ZNF385B: variants seen among roughly 807,000 people sequenced by gnomAD.
The protein encoded by ZNF385B is zinc finger protein 385B.
In ZNF385B, 23 loss-of-function variants were observed where a neutral mutation model predicts 39.2. The ratio of observed to expected loss-of-function variants is 0.59; its 90% CI spans 0.42 to 0.83. The LOEUF (loss-of-function observed/expected upper bound fraction) is 0.83, where lower values mean the gene tolerates loss of function less well. Ranked by LOEUF, ZNF385B falls within the 40% of genes least tolerant of loss-of-function variation. ZNF385B has a pLI of 0.00. For missense variants in ZNF385B, 552 were observed against 598.9 expected (o/e 0.92, Z 0.82); for synonymous variants, 205 against 222.6 (o/e 0.92, Z 0.70).
At chr2:179,558,181 G>A (rs2105950950) in intron 3 of ZNF385B, among the ~76,000 whole-genome samples, 1 of 152,198 alleles carries the variant, frequency 6.6e-6, no homozygotes, top group Admixed American at 6.5e-5. Flanking sequence ...TTAGACCTCT[G>A]GCTCTGTCTT....
chr2:179,517,323 T>C (rs1009185404), intron 5 of ZNF385B, among the ~76,000 whole-genome samples: 2 of 151,898 alleles, frequency 1.3e-5, no homozygotes, highest in Non-Finnish European at 2.9e-5. Flanking sequence ...GATCTATAGA[T>C]CAATTGGGGA....
At chr2:179,734,195 T>C (rs935411255) in intron 3 of ZNF385B, among the ~76,000 whole-genome samples, 6 of 152,352 alleles carry the variant, frequency 3.9e-5, no homozygotes, top group East Asian at 1.9e-4. Flanking sequence ...ACAAATAACA[T>C]TGCAATAAAA....
intron 3 of ZNF385B, among the ~76,000 whole-genome samples, chr2:179,628,129 T>G (rs1690842402): frequency 6.6e-6 from 1 of 152,184 alleles, no homozygotes; most frequent in Admixed American, 6.5e-5. Flanking sequence ...TTCTAAGAGA[T>G]AAGCTCATTT....
intron 6 of ZNF385B, among the ~76,000 whole-genome samples, chr2:179,483,025 T>TTATA (rs142150059): frequency 2.7e-5 from 4 of 149,866 alleles, no homozygotes; most frequent in East Asian, 1.9e-4. Context: ...GCATATATAC[T>TTATA]TATATATATA....
At chr2:179,588,673 G>A (rs1037851813) in intron 3 of ZNF385B, among the ~76,000 whole-genome samples, 1 of 152,060 alleles carries the variant, frequency 6.6e-6, no homozygotes, top group Non-Finnish European at 1.5e-5. Flanking sequence ...CAGACATCCC[G>A]GACTGCCATA....
chr2:179,756,593 C>T (rs1362084154), intron 3 of ZNF385B, among the ~76,000 whole-genome samples: 1 of 152,210 alleles, frequency 6.6e-6, no homozygotes, highest in African/African-American at 2.4e-5. Flanking sequence ...TGCTTCCATT[C>T]TCCCCATCAC....
chr2:179,537,766 CAAAAAAA>C (rs151220146), intron 4 of ZNF385B, among the ~76,000 whole-genome samples: 1 of 130,430 alleles, frequency 7.7e-6, no homozygotes, highest in Non-Finnish European at 1.7e-5. Flanking sequence ...AACAAACAAA[CAAAAAAA>C]AAAATTAATA....
In ZNF385B at chr2:179,845,277, G is replaced by A. The variant is rs1045635255; in HGVS notation, c.-155+15824C>T. 4.6e-5 allele frequency among the ~76,000 whole-genome samples: 7 copies of A among 152,254 alleles called. No homozygotes were observed. The East Asian group carries it at 9.6e-4, about 21-fold the overall frequency. On this transcript the variant is annotated intron_variant, in intron 1 of 9. Transcript: ENST00000410066. ...AGTGGGTCATATGAGCTGACTGGGTGCAATACAATAAATTGAAGAAGGGTG... is the reference window on the plus strand; with the variant it reads ...AGTGGGTCATATGAGCTGACTGGGTACAATACAATAAATTGAAGAAGGGTG...
chr2:179,448,057 T>A (rs2049690002), intron 6 of ZNF385B, among the ~76,000 whole-genome samples: 1 of 151,902 alleles, frequency 6.6e-6, no homozygotes, highest in African/African-American at 2.4e-5. Context: ...ATTCCAAATC[T>A]GGGTTTACTT....
At chr2:179,518,491 G>T in intron 5 of ZNF385B, 37 bp downstream of exon 5, 2 of 1,447,306 alleles carry the variant, frequency 1.4e-6, no homozygotes, top group South Asian at 2.4e-5. Context: ...TTTTAGCTCT[G>T]ACAAACTACA....
In ZNF385B at chr2:179,786,299, T is replaced by A. The variant is rs116038115; in HGVS notation, c.-154-15627A>T. 4.2e-3 allele frequency among the ~76,000 whole-genome samples: 642 copies of A among 152,276 alleles called. 6 individuals carry two copies. Among genetic ancestry groups the A allele is most frequent in the African/African-American group, 0.014 (583 of 41,562 alleles). On this transcript the variant is annotated intron_variant, in intron 1 of 9. Coordinates refer to ENST00000410066, the MANE Select transcript of ZNF385B (RefSeq NM_152520.6). ...TGGTGGTCTGGAATCCAACCCATGA[T>A]ATATCTGAGGTATTGCTGTATTTTT...
intron 3 of ZNF385B, among the ~76,000 whole-genome samples, chr2:179,737,305 G>A (rs1195357957): frequency 6.6e-6 from 1 of 152,130 alleles, no homozygotes; most frequent in Non-Finnish European, 1.5e-5. Context: ...CTACTTCTCA[G>A]GGTTATAGTA....
At chr2:179,847,343 G>A (rs1181296780) in intron 1 of ZNF385B, among the ~76,000 whole-genome samples, 1 of 152,066 alleles carries the variant, frequency 6.6e-6, no homozygotes, top group Non-Finnish European at 1.5e-5. Flanking sequence ...CCTAATTATT[G>A]AATTAAAAGA....
intron 1 of ZNF385B, among the ~76,000 whole-genome samples, chr2:179,796,980 A>T (rs1264702294): frequency 6.6e-6 from 1 of 152,214 alleles, no homozygotes; most frequent in Non-Finnish European, 1.5e-5. Flanking sequence ...TAAAGTGACT[A>T]GAGCAACTGT....
intron 3 of ZNF385B, among the ~76,000 whole-genome samples, chr2:179,758,289 G>C (rs1703168725): frequency 6.6e-6 from 1 of 152,164 alleles, no homozygotes; most frequent in African/African-American, 2.4e-5. Context: ...TGAAGGCTAA[G>C]AAGTCCAAGA....
chr2:179,458,975 G>C (rs561088301), intron 6 of ZNF385B, among the ~76,000 whole-genome samples: 2 of 152,062 alleles, frequency 1.3e-5, no homozygotes, highest in East Asian at 1.9e-4. Context: ...TACAGGGATC[G>C]GTCCCAACCA....
chr2:179,613,444 G>A (rs1223833430), intron 3 of ZNF385B, among the ~76,000 whole-genome samples: 1 of 152,152 alleles, frequency 6.6e-6, no homozygotes, highest in Non-Finnish European at 1.5e-5. Flanking sequence ...TGATTATTCA[G>A]GGCCCAAGGG....
intron 3 of ZNF385B, among the ~76,000 whole-genome samples, chr2:179,609,078 T>A (rs1025050420): frequency 2.0e-5 from 3 of 152,152 alleles, no homozygotes; most frequent in Non-Finnish European, 1.5e-5. Flanking sequence ...GTGTTACAAA[T>A]ATCTTATTAT....
intron 3 of ZNF385B, among the ~76,000 whole-genome samples, chr2:179,619,586 A>G (rs1290197242): frequency 6.6e-6 from 1 of 152,196 alleles, no homozygotes; most frequent in Non-Finnish European, 1.5e-5. Context: ...CTATCACTAC[A>G]GCTTATTGAT....
Sources: allele counts gnomAD v4.1 joint callset (sites outside exome capture counted in the v4.1 genomes callset), GRCh38; gene constraint gnomAD v4.1.1; transcripts MANE v1.5; gene names NCBI Gene and HGNC (gene_info 2026-07-23, HGNC 2026-07-21).